Variants in SLC22A23 observed in about 807,000 individuals in gnomAD.
SLC22A23 encodes the protein solute carrier family 22 member 23, also known as ion transporter protein.
SLC22A23 carries 26 observed loss-of-function variants against 61.0 expected under a neutral mutation model. The ratio of observed to expected loss-of-function variants is 0.43; its 90% CI spans 0.31 to 0.59. The LOEUF (loss-of-function observed/expected upper bound fraction) is 0.59, where lower values mean the gene tolerates loss of function less well. Among genes scored for constraint, SLC22A23 ranks in the 20% least tolerant of loss-of-function variants. SLC22A23 has a pLI of 0.11. For synonymous variants in SLC22A23, 430 were observed against 413.9 expected (o/e 1.04, Z -0.47); for missense variants, 796 against 934.7 (o/e 0.85, Z 1.94).
intron 1 of SLC22A23, among the ~76,000 whole-genome samples, chr6:3,424,950 C>T (rs1047025663): frequency 5.3e-5 from 8 of 152,176 alleles, no homozygotes; most frequent in Non-Finnish European, 1.2e-4. Context: ...CATGCCTAAG[C>T]TAATGCTCAG....
chr6:3,298,300 G>A, intron 4 of SLC22A23, 82 bp from the exon 5 acceptor site: 2 of 1,485,172 alleles, frequency 1.3e-6, no homozygotes, highest in East Asian at 2.7e-5. Context: ...TGGCCCGGGA[G>A]CTTCCCAGGC....
intron 8 of SLC22A23, among the ~76,000 whole-genome samples, chr6:3,284,384 CAAA>C (rs893426764): frequency 1.3e-5 from 2 of 152,202 alleles, no homozygotes; most frequent in Non-Finnish European, 2.9e-5. Flanking sequence ...TTTAAGGAAA[CAAA>C]AACTCAAGCC....
At chr6:3,289,972 A>T (rs763978228) in intron 5 of SLC22A23, 106 bp from the exon 6 acceptor site, 29 of 537,716 alleles carry the variant, frequency 5.4e-5, no homozygotes, top group Non-Finnish European at 7.5e-5. Context: ...CACAGAAGGG[A>T]GAGAGAAGCT....
At position 3,298,090 on chromosome 6, in the gene SLC22A23, C is replaced by G. The variant is rs1330295677; in HGVS notation, c.1210+1G>C. 3 of 1,550,978 alleles carry G rather than the reference C, an allele frequency of 1.9e-6. No individual in the cohort carries two copies. The highest frequency in any genetic ancestry group is 2.6e-6 in the Non-Finnish European group (3 of 1,152,752). On this transcript the variant is annotated splice_donor_variant, in intron 5 of 9. Coordinates refer to ENST00000406686, the MANE Select transcript of SLC22A23 (RefSeq NM_015482.2). LOFTEE classifies it high-confidence loss of function. ...GCCCTGCCAGCCCGCGGTGTGCTCA[C>G]CTGGTATCACACCCTTGATGTCGCC...
At chr6:3,359,473 A>T (rs1765304435) in intron 3 of SLC22A23, among the ~76,000 whole-genome samples, 1 of 152,206 alleles carries the variant, frequency 6.6e-6, no homozygotes, top group Non-Finnish European at 1.5e-5. Context: ...AATGTACATC[A>T]CAGCGACAAT....
At chr6:3,378,186 TG>T (rs1383430522) in intron 3 of SLC22A23, among the ~76,000 whole-genome samples, 7 of 152,246 alleles carry the variant, frequency 4.6e-5, no homozygotes, top group Non-Finnish European at 8.8e-5. Flanking sequence ...TTGTACTTTT[TG>T]CTCAGCTGAC....
chr6:3,369,269 C>T (rs1766046275), intron 3 of SLC22A23, among the ~76,000 whole-genome samples: 1 of 152,160 alleles, frequency 6.6e-6, no homozygotes, highest in Non-Finnish European at 1.5e-5. Context: ...AAAAGGACTA[C>T]AGCCTGAGCA....
At chr6:3,429,633 C>A (rs1315742258) in intron 1 of SLC22A23, among the ~76,000 whole-genome samples, 1 of 152,116 alleles carries the variant, frequency 6.6e-6, no homozygotes, top group Non-Finnish European at 1.5e-5. Flanking sequence ...TTCACAGTAG[C>A]CAAGGGCTGA....
At chr6:3,406,955 G>A (rs1273382595) in intron 3 of SLC22A23, among the ~76,000 whole-genome samples, 2 of 151,860 alleles carry the variant, frequency 1.3e-5, no homozygotes, top group East Asian at 1.9e-4. Flanking sequence ...CCACCCTTAC[G>A]GCAAGCCATA....
At chr6:3,411,165 C>T (rs1372479625) in intron 2 of SLC22A23, among the ~76,000 whole-genome samples, 2 of 152,188 alleles carry the variant, frequency 1.3e-5, no homozygotes, top group Non-Finnish European at 1.5e-5. Flanking sequence ...GTTCCTGTGG[C>T]CCCATGCTAA....
chr6:3,441,597 C>A (rs1263710561), intron 1 of SLC22A23, among the ~76,000 whole-genome samples: 2 of 152,164 alleles, frequency 1.3e-5, no homozygotes, highest in Admixed American at 1.3e-4. Flanking sequence ...CCCTGGGCTT[C>A]CCTGCCCACT....
intron 1 of SLC22A23, among the ~76,000 whole-genome samples, chr6:3,430,659 G>A (rs116165355): frequency 0.024 from 3,626 of 152,290 alleles, 139 homozygotes; most frequent in African/African-American, 0.082. Context: ...AAAGAGTAGC[G>A]GCAGCAGACA....
Position 3,289,829 on chromosome 6 carries a change from G to C in SLC22A23, c.1248C>G (p.Val416=). The change falls in exon 6 of 10, where the codon GTC becomes GTG. Residue 416 remains valine, a synonymous_variant. Coordinates refer to ENST00000406686, the MANE Select transcript of SLC22A23 (RefSeq NM_015482.2). ...EKELSRRPKK[V]CIVKVVGTRN... is the part of the protein sequence containing the mutation. ...GTGTCCCCACCACCTTCACGATGCA[G>C]ACCTTCTTGGGCCTCCGGGAAAGCT... The C allele has an allele frequency of 6.2e-7, 1 of 1,614,020 alleles. No individual in the cohort carries two copies. Among genetic ancestry groups the C allele is most frequent in the Non-Finnish European group, 8.5e-7 (1 of 1,180,034 alleles).
chr6:3,293,146 TGTC>T (rs757709269), intron 5 of SLC22A23, among the ~76,000 whole-genome samples: 72 of 152,302 alleles, frequency 4.7e-4, no homozygotes, highest in African/African-American at 1.4e-3. Context: ...CCGGCTTTGT[TGTC>T]ATCCTAGTGG....
At chr6:3,366,069 G>A (rs1344691237) in intron 3 of SLC22A23, among the ~76,000 whole-genome samples, 5 of 152,008 alleles carry the variant, frequency 3.3e-5, no homozygotes, top group Non-Finnish European at 7.4e-5. Flanking sequence ...GGTGGCTCAC[G>A]CCTGTAATCC....
chr6:3,416,733 A>G (rs1769734623), intron 1 of SLC22A23, among the ~76,000 whole-genome samples: 4 of 152,188 alleles, frequency 2.6e-5, no homozygotes, highest in Admixed American at 2.6e-4. Flanking sequence ...GGGGGTCTAG[A>G]TGCCCCTGCT....
At chr6:3,445,452 G>A (rs528507922) in intron 1 of SLC22A23, among the ~76,000 whole-genome samples, 3 of 152,254 alleles carry the variant, frequency 2.0e-5, no homozygotes, top group East Asian at 3.9e-4. Flanking sequence ...CACCTGCCTC[G>A]GCCTCCCGAA....
At chr6:3,323,625 C>G in intron 4 of SLC22A23, 1 of 648,852 alleles carries the variant, frequency 1.5e-6, no homozygotes, top group South Asian at 2.1e-5. Flanking sequence ...GCTCATTCCA[C>G]TCTTCTATTT....
intron 3 of SLC22A23, among the ~76,000 whole-genome samples, chr6:3,374,202 C>T (rs187543804): frequency 6.6e-6 from 1 of 152,366 alleles, no homozygotes; most frequent in African/African-American, 2.4e-5. Context: ...TCCTCTCCAG[C>T]AGCAGAATGA....
Sources: allele counts gnomAD v4.1 joint callset (sites outside exome capture counted in the v4.1 genomes callset), GRCh38; gene constraint gnomAD v4.1.1; transcripts MANE v1.5; gene names NCBI Gene and HGNC (gene_info 2026-07-23, HGNC 2026-07-21).